The following BBOF1 variants were observed in gnomAD, a reference collection of about 807,000 sequenced individuals.
BBOF1 encodes basal body-orientation factor 1.
In BBOF1, 62 loss-of-function variants were observed where a neutral mutation model predicts 68.0. That is an observed-to-expected ratio of 0.91 (90% CI 0.74 to 1.13). The LOEUF is 1.13. Ranked by LOEUF, BBOF1 falls within the 50% of genes most tolerant of loss-of-function variation. The pLI is 0.00. For synonymous variants in BBOF1, 208 were observed against 198.8 expected (o/e 1.05, Z -0.39); for missense variants, 534 against 600.1 (o/e 0.89, Z 1.15).
downstream of BBOF1, chr14:74,066,735 A>G: frequency 6.2e-7 from 1 of 1,614,152 alleles, no homozygotes; most frequent in Non-Finnish European, 8.5e-7. Flanking sequence ...TTGGTCCAAC[A>G]AAGTTGCCAT....
intron 3 of BBOF1, among the ~76,000 whole-genome samples, chr14:74,029,536 GC>G (rs1297924257): frequency 6.6e-6 from 1 of 152,028 alleles, no homozygotes; most frequent in Non-Finnish European, 1.5e-5. Context: ...TTAAAAATTA[GC>G]CAGGCATGGT....
At chr14:74,071,635 T>G in intron 9 of BBOF1, 1 of 1,555,838 alleles carries the variant, frequency 6.4e-7, no homozygotes, top group Non-Finnish European at 8.7e-7. Context: ...CCTTCCAAGT[T>G]AAGGGTTTGT....
intron 3 of BBOF1, among the ~76,000 whole-genome samples, chr14:74,029,594 A>T (rs1264075826): frequency 6.6e-6 from 1 of 151,864 alleles, no homozygotes; most frequent in Admixed American, 6.6e-5. Flanking sequence ...AGACAGGAGA[A>T]TTGCTTGAAC....
intron 4 of BBOF1, among the ~76,000 whole-genome samples, chr14:74,038,171 A>G (rs1381704518): frequency 6.6e-6 from 1 of 152,202 alleles, no homozygotes; most frequent in African/African-American, 2.4e-5. Flanking sequence ...TTGAAATACA[A>G]GATACATAGT....
intron 8 of BBOF1, among the ~76,000 whole-genome samples, chr14:74,054,357 A>G (rs1353000067): frequency 6.7e-5 from 10 of 149,640 alleles, no homozygotes; most frequent in Non-Finnish European, 1.2e-4. Context: ...CTCTAAATAA[A>G]TAATGTTACA....
At chr14:74,026,250 T>C (rs2059423248) in intron 2 of BBOF1, among the ~76,000 whole-genome samples, 3 of 151,702 alleles carry the variant, frequency 2.0e-5, no homozygotes, top group Admixed American at 2.0e-4. Context: ...GAGACCAGCC[T>C]GGCCAACATG....
intron 9 of BBOF1, among the ~76,000 whole-genome samples, chr14:74,075,379 G>T (rs1187453826): frequency 6.6e-6 from 1 of 152,108 alleles, no homozygotes; most frequent in Non-Finnish European, 1.5e-5. Context: ...TCAATGTGCT[G>T]GGCATGGTGA....
At chr14:74,055,454 T>G in intron 8 of BBOF1, 130 bp from the exon 9 acceptor site, 1 of 670,852 alleles carries the variant, frequency 1.5e-6, no homozygotes, top group Non-Finnish European at 2.5e-6. Flanking sequence ...TGGCCTGTAG[T>G]TGTTTCATAA....
chr14:74,071,992 A>G lies in BBOF1; in HGVS notation n.1380-6204A>G, dbSNP rs185631033. 1,317 of 1,611,076 alleles carry G rather than the reference A, an allele frequency of 8.2e-4. 7 individuals carry two copies. Among genetic ancestry groups the G allele is most frequent in the Middle Eastern group, 5.1e-3 (31 of 6,054 alleles). Reference sequence around the variant, plus strand: ...ATTTCTTTCTAGAGAGAAGACACACAAATAGAAATTAATGCAAGAATGTTC... The same window carrying G: ...ATTTCTTTCTAGAGAGAAGACACACGAATAGAAATTAATGCAAGAATGTTC... On this transcript the variant is annotated intron_variant and non_coding_transcript_variant, in intron 9 of 12. Transcript: ENST00000492026.
downstream of BBOF1, chr14:74,070,902 A>C: frequency 2.5e-6 from 1 of 403,964 alleles, no homozygotes; most frequent in South Asian, 2.4e-5. Flanking sequence ...AAATACCCTC[A>C]TGTATTCTCT....
chr14:74,071,718 G>T, intron 9 of BBOF1: 2 of 1,469,548 alleles, frequency 1.4e-6, no homozygotes, highest in Non-Finnish European at 9.2e-7. Context: ...TTTGAGTAAA[G>T]AGTAAAGTAA....
intron 3 of BBOF1, 31 bp from the exon 4 acceptor site, chr14:74,033,997 C>T: frequency 6.4e-7 from 1 of 1,556,860 alleles, no homozygotes; most frequent in Non-Finnish European, 8.6e-7. Flanking sequence ...TGTTCTTTTT[C>T]CTAACTCGTT....
chr14:74,027,228 G>A (rs1434377876), intron 2 of BBOF1, among the ~76,000 whole-genome samples: 2 of 151,298 alleles, frequency 1.3e-5, no homozygotes, highest in Non-Finnish European at 2.9e-5. Flanking sequence ...TGAGACTACA[G>A]TTGTGCCACC....
chr14:74,020,618 C>A lies in BBOF1; in HGVS notation c.56+1084C>A, dbSNP rs528454733. The stretch of plus-strand genomic sequence containing the variant: ...TTCTGGGTTCAACCAATTCTCCTGC[C>A]TCAGCCTCCCGAGTAGCTGTGATTA... On this transcript the variant is annotated intron_variant, in intron 1 of 11. Transcript: ENST00000394009. Among the ~76,000 whole-genome samples, 4 of 152,284 alleles carry A rather than the reference C, an allele frequency of 2.6e-5. No individual in the cohort carries two copies. The East Asian group carries it at 7.7e-4, about 29-fold the overall frequency.
downstream of BBOF1, among the ~76,000 whole-genome samples, chr14:74,070,285 G>A (rs7140388): frequency 0.17 from 25,203 of 152,000 alleles, 2,593 homozygotes; most frequent in East Asian, 0.57. Flanking sequence ...TTGGGAGGCC[G>A]AGGCGGGTGG....
rs762998340 is a variant in BBOF1 at position 74,071,862 on chromosome 14, T to C, written n.1380-6334T>C. 6.2e-6 allele frequency: 10 copies of C among 1,606,646 alleles called. No homozygotes were observed. The Admixed American group carries it at 1.5e-4, about 24-fold the overall frequency. On this transcript the variant is annotated intron_variant and non_coding_transcript_variant, in intron 9 of 12. Coordinates refer to the BBOF1 transcript ENST00000492026. ...TTTGCCTCCCATCTTCCTTTGGTCC[T>C]TCCCAAAAGTCCCATAAGGGGCTCC...
intron 9 of BBOF1, among the ~76,000 whole-genome samples, chr14:74,077,077 C>T (rs766126735): frequency 2.0e-5 from 3 of 152,162 alleles, no homozygotes; most frequent in Non-Finnish European, 4.4e-5. Flanking sequence ...CTTCCAAATA[C>T]CTCATCTGTT....
intron 11 of BBOF1, chr14:74,060,669 A>T (rs1474326097): frequency 6.8e-6 from 11 of 1,613,358 alleles, no homozygotes; most frequent in Non-Finnish European, 8.5e-6. Flanking sequence ...GCATGACAAC[A>T]GCAGGTGAGG....
In BBOF1 at chr14:74,064,889, A is replaced by G; in HGVS notation, c.*190A>G. 1 of 1,614,110 alleles carries G rather than the reference A, an allele frequency of 6.2e-7. No homozygotes were observed. Among genetic ancestry groups the G allele is most frequent in the Non-Finnish European group, 8.5e-7 (1 of 1,180,012 alleles). On this transcript the variant is annotated 3_prime_UTR_variant, in exon 12 of 12. Transcript: ENST00000394009. Reference sequence around the variant, plus strand: ...AGAGCCGGTGAATGAGAACATTGGCAAAGGCACTGGAATGGGGACATTCAC... The same window carrying G: ...AGAGCCGGTGAATGAGAACATTGGCGAAGGCACTGGAATGGGGACATTCAC...
Sources: allele counts gnomAD v4.1 joint callset (sites outside exome capture counted in the v4.1 genomes callset), GRCh38; gene constraint gnomAD v4.1.1; transcripts MANE v1.5; gene names NCBI Gene and HGNC (gene_info 2026-07-23, HGNC 2026-07-21).